HEMK2: variants seen among roughly 807,000 people sequenced by gnomAD.
HEMK2 encodes the protein methyltransferase HEMK2.
chr21:28,828,347 G>A, the HEMK2 span, among the ~76,000 whole-genome samples: 2 of 152,264 alleles, frequency 1.3e-5, no homozygotes, highest in African/African-American at 4.8e-5. Context: ...GGAAAGAGGG[G>A]AGTTGATTTG....
chr21:28,624,726 C>A, the HEMK2 span, among the ~76,000 whole-genome samples: 1 of 152,110 alleles, frequency 6.6e-6, no homozygotes. Flanking sequence ...TGGAACCAGG[C>A]ACAGAGAGGA....
At chr21:28,595,376 C>CTTCATGGGT in the HEMK2 span, among the ~76,000 whole-genome samples, 2,661 of 151,938 alleles carry the variant, frequency 0.018, 106 homozygotes, top group African/African-American at 0.062. Context: ...CACTCTCTAT[C>CTTCATGGGT]TTCATGGGTT....
the HEMK2 span, among the ~76,000 whole-genome samples, chr21:28,605,424 T>C: frequency 6.6e-6 from 1 of 152,254 alleles, no homozygotes; most frequent in Non-Finnish European, 1.5e-5. Flanking sequence ...CACTCTTAAA[T>C]ACTTTCAACT....
chr21:28,690,537 T>G, the HEMK2 span, among the ~76,000 whole-genome samples: 603 of 152,238 alleles, frequency 4.0e-3, no homozygotes, highest in Non-Finnish European at 7.0e-3. Context: ...TTATAGCAAT[T>G]TGTTACAGCA....
At chr21:28,760,980 A>C in the HEMK2 span, among the ~76,000 whole-genome samples, 79 of 152,254 alleles carry the variant, frequency 5.2e-4, 1 homozygote, top group Non-Finnish European at 8.8e-5. Context: ...TATTGAGTTT[A>C]TGTTATTATT....
chr21:28,748,291 T>C, the HEMK2 span, among the ~76,000 whole-genome samples: 4 of 152,196 alleles, frequency 2.6e-5, no homozygotes, highest in African/African-American at 7.2e-5. Flanking sequence ...AAAATAAACA[T>C]TGAAATTATT....
the HEMK2 span, among the ~76,000 whole-genome samples, chr21:28,719,059 T>C: frequency 1.3e-5 from 2 of 152,222 alleles, no homozygotes; most frequent in African/African-American, 2.4e-5. Context: ...CCATGAGTCC[T>C]GGCCTTTTCA....
chr21:28,863,108 A>G, the HEMK2 span, among the ~76,000 whole-genome samples: 118 of 152,168 alleles, frequency 7.8e-4, no homozygotes, highest in African/African-American at 2.8e-3. Context: ...GTGTTGCCAA[A>G]GGAGATTAAC....
At chr21:28,592,976 C>T in the HEMK2 span, among the ~76,000 whole-genome samples, 1 of 152,218 alleles carries the variant, frequency 6.6e-6, no homozygotes, top group Non-Finnish European at 1.5e-5. Flanking sequence ...GACATAGTGG[C>T]ACCTTTGCTT....
chr21:28,645,910 CCT>C, the HEMK2 span, among the ~76,000 whole-genome samples: 516 of 152,266 alleles, frequency 3.4e-3, 3 homozygotes, highest in African/African-American at 0.012. Flanking sequence ...ATAAGCCACC[CCT>C]GTTTGTTATC....
the HEMK2 span, among the ~76,000 whole-genome samples, chr21:28,732,945 G>A: frequency 1.5e-4 from 23 of 152,208 alleles, no homozygotes; most frequent in South Asian, 6.2e-4. Context: ...AAGCTTCACT[G>A]GGGTCAACTT....
At chr21:28,817,864 T>C in the HEMK2 span, among the ~76,000 whole-genome samples, 1 of 152,186 alleles carries the variant, frequency 6.6e-6, no homozygotes, top group African/African-American at 2.4e-5. Flanking sequence ...TGACAGTTAC[T>C]ATCTCGGAGC....
chr21:28,825,606 T>C, the HEMK2 span, among the ~76,000 whole-genome samples: 2 of 152,182 alleles, frequency 1.3e-5, no homozygotes, highest in Non-Finnish European at 2.9e-5. Flanking sequence ...GACCAAGATC[T>C]TTCTACTGGA....
At chr21:28,844,388 T>C in the HEMK2 span, among the ~76,000 whole-genome samples, 744 of 152,210 alleles carry the variant, frequency 4.9e-3, 5 homozygotes, top group African/African-American at 0.017. Flanking sequence ...ATAAGTATTA[T>C]TGTTTATTCT....
chr21:28,679,529 T>C, the HEMK2 span, among the ~76,000 whole-genome samples: 1 of 152,078 alleles, frequency 6.6e-6, no homozygotes, highest in Non-Finnish European at 1.5e-5. Flanking sequence ...GGAATTGAAC[T>C]CAGCTCCGCA....
At chr21:28,884,364 T>C in the HEMK2 span, among the ~76,000 whole-genome samples, 16 of 152,226 alleles carry the variant, frequency 1.1e-4, no homozygotes, top group Non-Finnish European at 2.2e-4. Context: ...TGGAGAAATA[T>C]GACCAAGTTT....
At chr21:28,588,741 A>C in the HEMK2 span, among the ~76,000 whole-genome samples, 4 of 152,132 alleles carry the variant, frequency 2.6e-5, no homozygotes, top group East Asian at 3.9e-4. Flanking sequence ...GAGGCCGAGG[A>C]GGTCGGATCA....
chr21:28,662,765 G>C, the HEMK2 span, among the ~76,000 whole-genome samples: 1 of 152,088 alleles, frequency 6.6e-6, no homozygotes, highest in Non-Finnish European at 1.5e-5. Context: ...CTTCCACCAT[G>C]ACTGTAAGTT....
At chr21:28,663,494 C>A in the HEMK2 span, among the ~76,000 whole-genome samples, 1 of 152,226 alleles carries the variant, frequency 6.6e-6, no homozygotes, top group Non-Finnish European at 1.5e-5. Context: ...TGGTTTGGGA[C>A]TTCTGCAGTG....
Sources: gnomAD v4.1 joint callset for allele counts (sites outside exome capture counted in the v4.1 genomes callset) on GRCh38, gnomAD v4.1.1 for gene constraint, MANE v1.5 for transcripts, NCBI Gene and HGNC (gene_info 2026-07-23, HGNC 2026-07-21) for gene names.